CDH2: variants seen among roughly 807,000 people sequenced by gnomAD.
CDH2 encodes cadherin-2.
Under a neutral mutation model 92.0 loss-of-function variants are expected in CDH2, and 17 were observed. The observed-to-expected ratio is 0.18, with a 90% CI of 0.13 to 0.28. The LOEUF (loss-of-function observed/expected upper bound fraction) is 0.28. Among genes scored for constraint, CDH2 ranks in the 10% least tolerant of loss-of-function variants. The pLI, the probability that CDH2 is intolerant of heterozygous loss-of-function variation, is 1.00. For missense variants in CDH2, 862 were observed against 1,133.1 expected (o/e 0.76, Z 3.44); for synonymous variants, 419 against 415.9 (o/e 1.01, Z -0.09).
intron 15 of CDH2, among the ~76,000 whole-genome samples, chr18:27,955,761 G>GTTTTTTTTGTTTTTTT (rs2011230017): frequency 9.0e-6 from 1 of 111,716 alleles, no homozygotes; most frequent in African/African-American, 3.6e-5. Context: ...CTTTATTTCT[G>GTTTTTTTTGTTTTTTT]TTTTTTTTTT....
intron 14 of CDH2, among the ~76,000 whole-genome samples, chr18:27,966,386 C>A (rs553140586): frequency 6.6e-6 from 1 of 152,112 alleles, no homozygotes; most frequent in African/African-American, 2.4e-5. Flanking sequence ...AGAGGAATTT[C>A]GTTCATATAA....
At chr18:28,086,564 C>A (rs1306024569) in intron 2 of CDH2, among the ~76,000 whole-genome samples, 1 of 151,962 alleles carries the variant, frequency 6.6e-6, no homozygotes. Flanking sequence ...TGTCAAAAAT[C>A]AGGACCCTAT....
Position 28,029,964 on chromosome 18 carries a change from G to T in CDH2, c.173-16055C>A, listed in dbSNP as rs148709425. On this transcript the variant is annotated intron_variant, in intron 2 of 15. Transcript: ENST00000269141. ...TTTCCATTACATTAACTAAGATGAT[G>T]TCCAGGCAAGCATCCTGTGCACGTA... Among the ~76,000 whole-genome samples, 4 of 152,196 alleles carry T rather than the reference G, an allele frequency of 2.6e-5. No individual in the cohort carries two copies. The East Asian group carries it at 7.7e-4, about 29-fold the overall frequency.
intron 1 of CDH2, among the ~76,000 whole-genome samples, chr18:28,155,040 CATT>C (rs1211527232): frequency 6.6e-6 from 1 of 152,142 alleles, no homozygotes; most frequent in East Asian, 1.9e-4. Flanking sequence ...GTAACAATTA[CATT>C]ATTGTTTGGG....
intron 2 of CDH2, among the ~76,000 whole-genome samples, chr18:28,100,854 C>T (rs978579343): frequency 3.3e-5 from 5 of 152,198 alleles, no homozygotes; most frequent in African/African-American, 1.2e-4. Flanking sequence ...CTATGGGCCA[C>T]ATCAATGCAA....
In CDH2 at chr18:28,009,849, G is replaced by C; in HGVS notation, c.570C>G (p.Asn190Lys). 1 of 1,612,664 alleles carries C rather than the reference G, an allele frequency of 6.2e-7. No individual in the cohort carries two copies. ...CAGTTACACTGTACCGCAGTGAAAG[G>C]TTTTTATCTCTATCAGACCTGATCT... ...LVRIRSDRDKNLSLRYSVTGP... is the reference protein window; with the variant it reads ...LVRIRSDRDKKLSLRYSVTGP... The change falls in exon 5 of 16, where the codon AAC becomes AAG. Residue 190 changes from asparagine (N) to lysine (K), a missense_variant. Coordinates refer to ENST00000269141, the MANE Select transcript of CDH2 (RefSeq NM_001792.5).
At chr18:27,945,906 T>G (rs1453320742) in intron 6 of CDH2, among the ~76,000 whole-genome samples, 1 of 152,208 alleles carries the variant, frequency 6.6e-6, no homozygotes, top group East Asian at 1.9e-4. Flanking sequence ...GGAAAAATTA[T>G]TCAAGTTATT....
chr18:28,068,296 T>G (rs2014548906), intron 2 of CDH2, among the ~76,000 whole-genome samples: 1 of 152,208 alleles, frequency 6.6e-6, no homozygotes, highest in African/African-American at 2.4e-5. Context: ...TCAGAGCTGC[T>G]AGTTATAAGG....
At chr18:28,014,108 C>T (rs2013176816) in intron 2 of CDH2, among the ~76,000 whole-genome samples, 199 bp from the exon 3 acceptor site, 2 of 152,030 alleles carry the variant, frequency 1.3e-5, no homozygotes, top group African/African-American at 4.8e-5. Context: ...CTGAGCTGTG[C>T]CCTAGCATTT....
At chr18:28,002,083 G>T (rs1264289126) in intron 7 of CDH2, among the ~76,000 whole-genome samples, 1 of 152,212 alleles carries the variant, frequency 6.6e-6, no homozygotes, top group Non-Finnish European at 1.5e-5. Context: ...GACCTTGAGA[G>T]TCTGTAAGAA....
intron 2 of CDH2, among the ~76,000 whole-genome samples, chr18:28,042,764 C>G (rs2013972709): frequency 2.0e-5 from 3 of 152,056 alleles, no homozygotes; most frequent in Non-Finnish European, 2.9e-5. Context: ...TGTTTGAAGT[C>G]TATAAATTTA....
chr18:27,939,842 T>C (rs1489095448), intron 6 of CDH2, among the ~76,000 whole-genome samples: 1 of 152,190 alleles, frequency 6.6e-6, no homozygotes, highest in Non-Finnish European at 1.5e-5. Context: ...CCATTTCTGA[T>C]AGTACTGCTG....
intron 9 of CDH2, 95 bp from the exon 10 acceptor site, chr18:27,990,445 A>C: frequency 8.5e-7 from 1 of 1,182,008 alleles, no homozygotes; most frequent in Non-Finnish European, 1.2e-6. Context: ...CAAAAAATTA[A>C]TTTCTTCATT....
intron 2 of CDH2, among the ~76,000 whole-genome samples, chr18:28,139,912 A>G (rs1198749382): frequency 6.6e-6 from 1 of 151,904 alleles, no homozygotes; most frequent in Non-Finnish European, 1.5e-5. Context: ...AGAACCCCAG[A>G]CTCATATCCA....
chr18:28,146,607 A>G (rs897423409), intron 2 of CDH2: 3 of 152,124 alleles, frequency 2.0e-5, no homozygotes, highest in African/African-American at 7.2e-5. Context: ...AATAGAAATT[A>G]AAATAAAATG....
At chr18:27,985,282 T>TA (rs1196141229) in intron 12 of CDH2, 49 bp from the exon 13 acceptor site, 6 of 1,068,250 alleles carry the variant, frequency 5.6e-6, no homozygotes, top group African/African-American at 4.7e-5. Context: ...CTTAAAGCGA[T>TA]AAAAAAACAC....
At chr18:28,003,539 C>T (rs1168044018) in intron 6 of CDH2, among the ~76,000 whole-genome samples, 1 of 152,092 alleles carries the variant, frequency 6.6e-6, no homozygotes, top group Non-Finnish European at 1.5e-5. Context: ...GCCGCTGATT[C>T]TTCCCTCTGT....
chr18:28,144,997 T>A (rs2016013553), intron 2 of CDH2, among the ~76,000 whole-genome samples: 1 of 152,116 alleles, frequency 6.6e-6, no homozygotes, highest in Non-Finnish European at 1.5e-5. Flanking sequence ...CTATATAATT[T>A]TCTAACGTGA....
chr18:27,976,988 T>C (rs1295869589), intron 14 of CDH2, among the ~76,000 whole-genome samples: 1 of 152,158 alleles, frequency 6.6e-6, no homozygotes, highest in Non-Finnish European at 1.5e-5. Flanking sequence ...AAGAACTTGA[T>C]ACAAAGATCA....
Sources: allele counts gnomAD v4.1 joint callset (sites outside exome capture counted in the v4.1 genomes callset), GRCh38; gene constraint gnomAD v4.1.1; transcripts MANE v1.5; gene names NCBI Gene and HGNC (gene_info 2026-07-23, HGNC 2026-07-21).